Variants in ROCK1 observed in about 807,000 individuals in gnomAD.
The protein encoded by ROCK1 is Rho associated coiled-coil containing protein kinase 1.
In ROCK1, 36 loss-of-function variants were observed where a neutral mutation model predicts 196.8. The observed-to-expected ratio is 0.18, with a 90% CI of 0.14 to 0.24. The LOEUF is 0.24. ROCK1 is among the 10% of genes least tolerant of loss of function. ROCK1 has a pLI of 1.00. For synonymous variants in ROCK1, 443 were observed against 515.9 expected (o/e 0.86, Z 1.91); for missense variants, 920 against 1,562.0 (o/e 0.59, Z 6.93).
intron 6 of ROCK1, among the ~76,000 whole-genome samples, chr18:21,043,226 T>C (rs1339729204): frequency 1.3e-5 from 2 of 152,046 alleles, no homozygotes; most frequent in Non-Finnish European, 2.9e-5. Context: ...AAAAGAAACA[T>C]ACAAAAGCTG....
At chr18:21,078,341 TACAC>T (rs59499705) in intron 1 of ROCK1, among the ~76,000 whole-genome samples, 329 of 128,684 alleles carry the variant, frequency 2.6e-3, no homozygotes, top group African/African-American at 4.9e-3. Context: ...AACACCCACC[TACAC>T]ACACACACAC....
chr18:21,107,062 T>C (rs747845210), intron 1 of ROCK1, among the ~76,000 whole-genome samples: 1 of 152,238 alleles, frequency 6.6e-6, no homozygotes, highest in African/African-American at 2.4e-5. Context: ...GTCTCATACA[T>C]ACCTTATACA....
intron 27 of ROCK1, among the ~76,000 whole-genome samples, chr18:20,963,401 A>C (rs184573772): frequency 6.6e-6 from 1 of 152,226 alleles, no homozygotes; most frequent in Admixed American, 6.5e-5. Flanking sequence ...ACTTTAATTA[A>C]ATTCAAAAGT....
chr18:20,999,279 T>C (rs1191659951), intron 16 of ROCK1, among the ~76,000 whole-genome samples: 2 of 151,320 alleles, frequency 1.3e-5, no homozygotes, highest in African/African-American at 4.9e-5. Context: ...CAAAAAGGCA[T>C]TGAGTCCCAC....
intron 2 of ROCK1, among the ~76,000 whole-genome samples, chr18:21,054,422 C>T (rs1262584174): frequency 6.6e-6 from 1 of 152,090 alleles, no homozygotes; most frequent in Admixed American, 6.5e-5. Flanking sequence ...CCAACTCCTG[C>T]TCTAATAAAA....
At chr18:21,092,778 G>T (rs931150600) in intron 1 of ROCK1, among the ~76,000 whole-genome samples, 5 of 152,002 alleles carry the variant, frequency 3.3e-5, no homozygotes, top group African/African-American at 4.8e-5. Flanking sequence ...TCTGTATTTG[G>T]TTCTAATGTG....
At chr18:21,034,858 T>C (rs2036042930) in intron 9 of ROCK1, among the ~76,000 whole-genome samples, 2 of 152,144 alleles carry the variant, frequency 1.3e-5, no homozygotes, top group Admixed American at 1.3e-4. Context: ...ATAGAAAATA[T>C]CTGCAAACCA....
chr18:20,989,947 C>CA (rs2035608936), intron 18 of ROCK1, among the ~76,000 whole-genome samples: 1 of 151,576 alleles, frequency 6.6e-6, no homozygotes, highest in African/African-American at 2.4e-5. Context: ...CCGATATGTT[C>CA]AAAAAAAATT....
chr18:21,049,749 G>T, intron 3 of ROCK1, 31 bp downstream of exon 3: 1 of 1,205,738 alleles, frequency 8.3e-7, no homozygotes, highest in Non-Finnish European at 1.2e-6. Flanking sequence ...ATTTAATAAA[G>T]TCCTTTTGTA....
intron 1 of ROCK1, among the ~76,000 whole-genome samples, chr18:21,077,579 C>A (rs2036444793): frequency 6.9e-6 from 1 of 145,682 alleles, no homozygotes; most frequent in African/African-American, 2.6e-5. Flanking sequence ...ATACAATAGA[C>A]CATCTAGGCC....
intron 2 of ROCK1, among the ~76,000 whole-genome samples, chr18:21,051,115 T>G (rs950595372): frequency 2.0e-5 from 3 of 152,126 alleles, no homozygotes; most frequent in African/African-American, 7.2e-5. Context: ...GAAAAAAGTC[T>G]AAACTGAATA....
At chr18:21,025,095 A>G (rs1029783626) in intron 10 of ROCK1, among the ~76,000 whole-genome samples, 3 of 152,196 alleles carry the variant, frequency 2.0e-5, no homozygotes, top group Admixed American at 6.5e-5. Context: ...GAATGCAGCA[A>G]AGGAAATGTA....
chr18:21,025,574 T>C (rs2035948817), intron 10 of ROCK1, among the ~76,000 whole-genome samples: 1 of 151,888 alleles, frequency 6.6e-6, no homozygotes, highest in Admixed American at 6.6e-5. Context: ...CCATCTCTAA[T>C]AAAAATACAA....
rs2035514618 is a variant in ROCK1, at chr18:20,979,870, T to C, written c.2654+40A>G. 7 of 1,505,574 alleles carry C rather than the reference T, an allele frequency of 4.6e-6. No individual in the cohort carries two copies. The African/African-American group carries it at 8.4e-5, about 18-fold the overall frequency. 93.3% of individuals were successfully genotyped at this position (1,505,574 alleles called of 1,614,324 possible). A position where few individuals can be genotyped will look rare whatever the true frequency, so the allele number is the denominator to read the frequency against. ...CTAACTTAAAACTTAAGAATGCCTG[T>C]TGCAGTACTGATTCTTGTTCTAAAG... On this transcript the variant is annotated intron_variant, in intron 22 of 32. Coordinates refer to ENST00000399799, the MANE Select transcript of ROCK1 (RefSeq NM_005406.3).
intron 13 of ROCK1, among the ~76,000 whole-genome samples, chr18:21,011,142 T>C (rs288986): frequency 0.023 from 3,470 of 152,300 alleles, 134 homozygotes; most frequent in African/African-American, 0.079. Context: ...TTGATTGGTA[T>C]TCCATTTAAT....
chr18:21,110,685 T>C (rs1446325872), intron 1 of ROCK1, 133 bp downstream of exon 1: 4 of 749,756 alleles, frequency 5.3e-6, no homozygotes, highest in Non-Finnish European at 9.3e-6. Flanking sequence ...CCAAGATTCT[T>C]CAGGAAACAG....
intron 29 of ROCK1, among the ~76,000 whole-genome samples, chr18:20,956,131 T>C (rs968940170): frequency 2.0e-5 from 3 of 152,082 alleles, no homozygotes; most frequent in African/African-American, 7.2e-5. Flanking sequence ...TCGTGGTATC[T>C]GTGGCAGATT....
At chr18:20,992,087 G>T (rs2035631846) in intron 17 of ROCK1, among the ~76,000 whole-genome samples, 1 of 151,982 alleles carries the variant, frequency 6.6e-6, no homozygotes. Flanking sequence ...ATATAGAAAG[G>T]AAAAATGAGT....
intron 17 of ROCK1, among the ~76,000 whole-genome samples, chr18:20,991,863 C>T (rs1357321677): frequency 6.6e-6 from 1 of 152,048 alleles, no homozygotes; most frequent in African/African-American, 2.4e-5. Context: ...TTCTCAAATT[C>T]CTGGGCTCAA....
Sources: gnomAD v4.1 joint callset for allele counts (sites outside exome capture counted in the v4.1 genomes callset) on GRCh38, gnomAD v4.1.1 for gene constraint, MANE v1.5 for transcripts, NCBI Gene and HGNC (gene_info 2026-07-23, HGNC 2026-07-21) for gene names.